Variants in TRPC4 observed in about 807,000 individuals in gnomAD.
TRPC4 encodes the protein transient receptor potential cation channel subfamily C member 4.
A neutral mutation model predicts 99.4 loss-of-function variants in TRPC4; 49 were observed. The observed-to-expected ratio is 0.49, with a 90% CI of 0.39 to 0.63. TRPC4 has a LOEUF of 0.63. Among genes scored for constraint, TRPC4 ranks in the 20% least tolerant of loss-of-function variants. The pLI, the probability that TRPC4 is intolerant of heterozygous loss-of-function variation, is 0.00. For missense variants in TRPC4, 898 were observed against 1,152.9 expected (o/e 0.78, Z 3.20); for synonymous variants, 454 against 425.9 (o/e 1.07, Z -0.81).
At chr13:37,799,835 C>T (rs1045393116) in intron 1 of TRPC4, among the ~76,000 whole-genome samples, 1 of 152,156 alleles carries the variant, frequency 6.6e-6, no homozygotes, top group African/African-American at 2.4e-5. Flanking sequence ...CCATTCCTAG[C>T]ATCAAAACTG....
chr13:37,693,140 ATC>A (rs766708820), intron 3 of TRPC4, among the ~76,000 whole-genome samples: 29 of 152,038 alleles, frequency 1.9e-4, no homozygotes, highest in Non-Finnish European at 1.0e-4. Context: ...TTTTCTCAAT[ATC>A]TCTTTTTTTC....
chr13:37,697,225 T>C (rs1953933820), intron 3 of TRPC4, among the ~76,000 whole-genome samples: 2 of 152,182 alleles, frequency 1.3e-5, no homozygotes, highest in African/African-American at 2.4e-5. Context: ...TGCCATGATC[T>C]GTAAGAACCA....
At chr13:37,683,880 A>G (rs935402413) in intron 4 of TRPC4, among the ~76,000 whole-genome samples, 1 of 152,186 alleles carries the variant, frequency 6.6e-6, no homozygotes, top group African/African-American at 2.4e-5. Flanking sequence ...ATAAAATTTG[A>G]GTTTTAAACT....
chr13:37,669,045 A>G (rs12583344), intron 5 of TRPC4, among the ~76,000 whole-genome samples: 18,713 of 152,126 alleles, frequency 0.12, 1,476 homozygotes, highest in Middle Eastern at 0.25. Context: ...AATAGGAAAA[A>G]CACTTGGCCC....
chr13:37,662,407 G>A (rs565044560), intron 6 of TRPC4, among the ~76,000 whole-genome samples: 1 of 152,184 alleles, frequency 6.6e-6, no homozygotes, highest in South Asian at 2.1e-4. Flanking sequence ...AAAATTATGT[G>A]CAAATAAAAA....
Position 37,656,394 on chromosome 13 carries a change from G to C in TRPC4, c.1689-1111C>G, listed in dbSNP as rs75858198. ...TCTATTGGGAGATTAGCATTAGATT[G>C]GAATGGTGTTGCAGAACCAAGTCAA... On this transcript the variant is annotated intron_variant, in intron 6 of 10. Coordinates refer to ENST00000379705, the MANE Select transcript of TRPC4 (RefSeq NM_016179.4). 8.6e-3 allele frequency among the ~76,000 whole-genome samples: 1,312 copies of C among 152,274 alleles called. 18 individuals carry two copies. Among genetic ancestry groups the C allele is most frequent in the African/African-American group, 0.03 (1,253 of 41,564 alleles).
chr13:37,853,960 G>A (rs1311972793), intron 1 of TRPC4, among the ~76,000 whole-genome samples: 1 of 151,932 alleles, frequency 6.6e-6, no homozygotes, highest in Non-Finnish European at 1.5e-5. Context: ...TAAATCTAAT[G>A]GATATTGGCC....
chr13:37,752,994 A>G (rs960322954), intron 2 of TRPC4, among the ~76,000 whole-genome samples: 9 of 149,602 alleles, frequency 6.0e-5, no homozygotes, highest in Non-Finnish European at 8.9e-5. Flanking sequence ...ACACACACGC[A>G]CACACACACA....
chr13:37,735,505 G>A (rs1050771171), intron 3 of TRPC4, among the ~76,000 whole-genome samples: 2 of 152,128 alleles, frequency 1.3e-5, no homozygotes, highest in Admixed American at 6.6e-5. Flanking sequence ...GTGAACATTT[G>A]TACAACAGAA....
chr13:37,745,720 C>A (rs1652132824), intron 3 of TRPC4, among the ~76,000 whole-genome samples: 1 of 151,728 alleles, frequency 6.6e-6, no homozygotes, highest in African/African-American at 2.4e-5. Context: ...TCAATGTGTA[C>A]ATTTTAAGAC....
intron 3 of TRPC4, among the ~76,000 whole-genome samples, chr13:37,734,276 G>A (rs1025307120): frequency 1.3e-4 from 20 of 152,062 alleles, no homozygotes; most frequent in African/African-American, 4.8e-4. Context: ...CTTCAATAAG[G>A]TGGCTCTTGG....
chr13:37,672,447 A>G (rs760812945), intron 5 of TRPC4, among the ~76,000 whole-genome samples: 15 of 152,174 alleles, frequency 9.9e-5, no homozygotes, highest in Non-Finnish European at 1.9e-4. Flanking sequence ...TTAGAAATGC[A>G]AATTTGGACT....
intron 1 of TRPC4, among the ~76,000 whole-genome samples, chr13:37,823,144 G>T (rs1338295166): frequency 2.7e-4 from 40 of 149,574 alleles, no homozygotes; most frequent in African/African-American, 3.2e-4. Flanking sequence ...TAAATTTGTT[G>T]GAGTTCATTG....
At chr13:37,745,457 T>TATATATATATATATATGC (rs1955720686) in intron 3 of TRPC4, among the ~76,000 whole-genome samples, 1 of 8,022 alleles carries the variant, frequency 1.2e-4, no homozygotes, top group Non-Finnish European at 4.9e-4. Context: ...TATATATATA[T>TATATATATATATATATGC]ATATATATAT....
chr13:37,857,625 G>T (rs1379213220), intron 1 of TRPC4, among the ~76,000 whole-genome samples: 1 of 151,326 alleles, frequency 6.6e-6, no homozygotes, highest in Admixed American at 6.6e-5. Context: ...CACCCACAGT[G>T]AACTAATTTC....
chr13:37,673,434 T>A (rs1345582425), intron 5 of TRPC4, among the ~76,000 whole-genome samples: 17 of 151,896 alleles, frequency 1.1e-4, no homozygotes, highest in Non-Finnish European at 2.1e-4. Context: ...TTAAATTGAA[T>A]GCATTATTTA....
chr13:37,674,501 T>C (rs534414203), intron 4 of TRPC4, 134 bp from the exon 5 acceptor site: 211 of 933,012 alleles, frequency 2.3e-4, no homozygotes, highest in Non-Finnish European at 3.2e-4. Context: ...ATCTATTTTT[T>C]ACAGGTAATA....
chr13:37,818,273 A>G (rs137965247), intron 1 of TRPC4, among the ~76,000 whole-genome samples: 1,569 of 152,292 alleles, frequency 0.01, 15 homozygotes, highest in Non-Finnish European at 0.015. Flanking sequence ...ACCAGTTAGA[A>G]TGGCAATCAT....
intron 5 of TRPC4, among the ~76,000 whole-genome samples, chr13:37,666,529 T>G (rs1443709372): frequency 1.3e-5 from 2 of 152,254 alleles, no homozygotes; most frequent in African/African-American, 4.8e-5. Flanking sequence ...GATATTTTCT[T>G]AAGTTTTTAA....
Sources: gnomAD v4.1 joint callset for allele counts (sites outside exome capture counted in the v4.1 genomes callset) on GRCh38, gnomAD v4.1.1 for gene constraint, MANE v1.5 for transcripts, NCBI Gene and HGNC (gene_info 2026-07-23, HGNC 2026-07-21) for gene names.